NTM: variants seen among roughly 807,000 people sequenced by gnomAD.
NTM encodes the protein neurotrimin, also known as IgLON family member 2.
NTM carries 13 observed loss-of-function variants against 42.1 expected under a neutral mutation model. The ratio of observed to expected loss-of-function variants is 0.31; its 90% CI spans 0.20 to 0.49. NTM has a LOEUF of 0.49. Among genes scored for constraint, NTM ranks in the 20% least tolerant of loss-of-function variants. The pLI is 0.99. For synonymous variants in NTM, 187 were observed against 179.2 expected (o/e 1.04, Z -0.35); for missense variants, 373 against 452.8 (o/e 0.82, Z 1.60).
chr11:131,691,734 C>G (rs555752975), intron 1 of NTM, among the ~76,000 whole-genome samples: 1 of 152,152 alleles, frequency 6.6e-6, no homozygotes, highest in Admixed American at 6.5e-5. Context: ...TTCCGCGGCG[C>G]GGGGCTGAGC....
chr11:132,125,420 TGTATGTG>T (rs1385897308), intron 2 of NTM, among the ~76,000 whole-genome samples: 1 of 144,800 alleles, frequency 6.9e-6, no homozygotes, highest in East Asian at 2.1e-4. Flanking sequence ...TGCTATGTGA[TGTATGTG>T]GTGTGTGGTG....
chr11:131,398,936 C>T (rs866212240), intron 1 of NTM, among the ~76,000 whole-genome samples: 2 of 152,056 alleles, frequency 1.3e-5, no homozygotes, highest in African/African-American at 2.4e-5. Flanking sequence ...TTTTTAGTAC[C>T]CAGTGGTTGA....
chr11:131,935,398 C>T (rs75979964), intron 2 of NTM, among the ~76,000 whole-genome samples: 2,084 of 152,196 alleles, frequency 0.014, 49 homozygotes, highest in African/African-American at 0.048. Context: ...CTTCCTTTTC[C>T]TACTTCACTT....
At chr11:131,470,687 C>T (rs773309163) in intron 1 of NTM, among the ~76,000 whole-genome samples, 1 of 152,194 alleles carries the variant, frequency 6.6e-6, no homozygotes, top group African/African-American at 2.4e-5. Context: ...CCTGGACATG[C>T]TCTCTTGGCT....
chr11:131,383,375 G>C (rs961331280), intron 1 of NTM, among the ~76,000 whole-genome samples: 1 of 152,182 alleles, frequency 6.6e-6, no homozygotes, highest in Non-Finnish European at 1.5e-5. Context: ...AATAAAAGCA[G>C]GTAAGTTTGC....
chr11:131,826,526 G>C (rs959522277), intron 1 of NTM, among the ~76,000 whole-genome samples: 5 of 150,316 alleles, frequency 3.3e-5, no homozygotes. Context: ...AGACAGGCTT[G>C]GACAGTCAGC....
chr11:131,506,495 C>T (rs906595299), intron 1 of NTM, among the ~76,000 whole-genome samples: 1 of 152,208 alleles, frequency 6.6e-6, no homozygotes, highest in Non-Finnish European at 1.5e-5. Flanking sequence ...TGGGACAGCC[C>T]TATAAATCCT....
chr11:132,253,061 C>T (rs1303109076), intron 4 of NTM, among the ~76,000 whole-genome samples: 1 of 152,156 alleles, frequency 6.6e-6, no homozygotes. Flanking sequence ...TCTGTTTTAC[C>T]TCTGCTGCTA....
chr11:132,258,413 C>T (rs111406669), intron 4 of NTM, among the ~76,000 whole-genome samples: 22 of 152,044 alleles, frequency 1.4e-4, no homozygotes, highest in Non-Finnish European at 2.1e-4. Context: ...GGAGGTCGCT[C>T]GATGTTGCCA....
intron 1 of NTM, chr11:131,671,386 A>G: frequency 1.0e-6 from 1 of 976,976 alleles, no homozygotes; most frequent in Non-Finnish European, 1.2e-6. Context: ...ACCTGTCTCC[A>G]TCCTTCTACA....
chr11:132,059,440 G>A (rs771152315), intron 2 of NTM, among the ~76,000 whole-genome samples: 2 of 152,202 alleles, frequency 1.3e-5, no homozygotes, highest in Non-Finnish European at 2.9e-5. Flanking sequence ...AGAGAGCAGG[G>A]CGAGGCCTTA....
chr11:132,201,721 A>G (rs948097231), intron 3 of NTM, among the ~76,000 whole-genome samples: 3 of 152,242 alleles, frequency 2.0e-5, no homozygotes, highest in African/African-American at 7.2e-5. Flanking sequence ...CCACTAATTC[A>G]TTGAACTCTG....
intron 1 of NTM, among the ~76,000 whole-genome samples, chr11:131,621,980 G>A (rs188114640): frequency 6.6e-6 from 1 of 152,200 alleles, no homozygotes; most frequent in African/African-American, 2.4e-5. Context: ...CTCTTTGGAA[G>A]TCTCTCCTTT....
chr11:131,610,045 C>G (rs928776679), intron 1 of NTM, among the ~76,000 whole-genome samples: 1 of 152,154 alleles, frequency 6.6e-6, no homozygotes, highest in African/African-American at 2.4e-5. Context: ...TTGTGGAAAA[C>G]AAAAATGCAA....
At chr11:131,842,880 G>A (rs981818107) in intron 1 of NTM, among the ~76,000 whole-genome samples, 4 of 151,880 alleles carry the variant, frequency 2.6e-5, no homozygotes, top group African/African-American at 4.8e-5. Flanking sequence ...GCGTGGTGCC[G>A]CATGCCTGTA....
At chr11:131,409,688 G>C (rs564962770) in intron 1 of NTM, among the ~76,000 whole-genome samples, 1 of 152,112 alleles carries the variant, frequency 6.6e-6, no homozygotes, top group Admixed American at 6.5e-5. Flanking sequence ...TAAAAGCCCC[G>C]TTTTCCCTTT....
chr11:131,573,608 G>T (rs934789142), intron 1 of NTM: 1 of 152,186 alleles, frequency 6.6e-6, no homozygotes, highest in African/African-American at 2.4e-5. Context: ...TTCTGAAACA[G>T]TTCCCCCTCC....
At chr11:131,564,215 T>C (rs962252753) in intron 1 of NTM, among the ~76,000 whole-genome samples, 2 of 152,252 alleles carry the variant, frequency 1.3e-5, no homozygotes, top group African/African-American at 4.8e-5. Context: ...TCACTCCCTC[T>C]TTCTTTCATC....
At chr11:131,757,502 A>G (rs2083494167) in intron 1 of NTM, among the ~76,000 whole-genome samples, 4 of 152,324 alleles carry the variant, frequency 2.6e-5, no homozygotes, top group African/African-American at 9.6e-5. Context: ...GTGAAAGAAG[A>G]TTTGGGCACT....
Sources: gnomAD v4.1 joint callset for allele counts (sites outside exome capture counted in the v4.1 genomes callset) on GRCh38, gnomAD v4.1.1 for gene constraint, MANE v1.5 for transcripts, NCBI Gene and HGNC (gene_info 2026-07-23, HGNC 2026-07-21) for gene names.